Variants in HIRA observed in about 807,000 individuals in gnomAD.
The protein encoded by HIRA is histone cell cycle regulator.
HIRA carries 13 observed loss-of-function variants against 126.6 expected under a neutral mutation model. The ratio of observed to expected loss-of-function variants is 0.10; its 90% CI spans 0.07 to 0.16. HIRA has a LOEUF of 0.16. HIRA is among the 10% of genes least tolerant of loss of function. The probability of loss-of-function intolerance (pLI) is 1.00; values close to 1 mark genes in which losing one functional copy is unlikely to be tolerated. For missense variants in HIRA, 834 were observed against 1,314.4 expected, an observed-to-expected ratio of 0.63 and a Z score of 5.65; for synonymous variants, 511 against 520.0, an observed-to-expected ratio of 0.98 and a Z score of 0.24.
At chr22:19,387,406 A>T (rs2089136965) in intron 11 of HIRA, among the ~76,000 whole-genome samples, 2 of 152,212 alleles carry the variant, frequency 1.3e-5, no homozygotes, top group African/African-American at 4.8e-5. Context: ...GCCCCTGAGG[A>T]GTCACTTCAG....
intron 11 of HIRA, among the ~76,000 whole-genome samples, chr22:19,387,441 CAG>C (rs2089137384): frequency 6.6e-6 from 1 of 152,184 alleles, no homozygotes; most frequent in Non-Finnish European, 1.5e-5. Flanking sequence ...AAAAACCTCC[CAG>C]TGGATGGCCT....
At chr22:19,332,477 G>A (rs2088501473) in intron 24 of HIRA, among the ~76,000 whole-genome samples, 1 of 152,156 alleles carries the variant, frequency 6.6e-6, no homozygotes, top group Non-Finnish European at 1.5e-5. Context: ...TGCAAAGGCT[G>A]AAATGTTTAC....
At chr22:19,385,758 T>C (rs755669201) in intron 11 of HIRA, 22 bp from the exon 12 acceptor site, 1 of 1,604,686 alleles carries the variant, frequency 6.2e-7, no homozygotes, top group Non-Finnish European at 8.5e-7. Flanking sequence ...AGGAGAGGCA[T>C]GACATGCCAG....
chr22:19,371,964 C>T (rs1325958030), intron 15 of HIRA, among the ~76,000 whole-genome samples: 1 of 152,112 alleles, frequency 6.6e-6, no homozygotes, highest in Non-Finnish European at 1.5e-5. Flanking sequence ...GTTTTCAATT[C>T]TCCTGGGTAT....
chr22:19,331,348 T>C lies in HIRA; in HGVS notation c.*92A>G. ...ATCTCCTGCCAGTGTCTCCTCCCCCTACAGCCTGGTCAGGTGAGAGGCGGT... is the reference window on the plus strand; with the variant it reads ...ATCTCCTGCCAGTGTCTCCTCCCCCCACAGCCTGGTCAGGTGAGAGGCGGT... On this transcript the variant is annotated 3_prime_UTR_variant, in exon 25 of 25. Coordinates refer to ENST00000263208, the MANE Select transcript of HIRA (RefSeq NM_003325.4). The C allele has an allele frequency of 6.2e-7, 1 of 1,601,976 alleles. No homozygotes were observed. Among genetic ancestry groups the C allele is most frequent in the Non-Finnish European group, 8.5e-7 (1 of 1,178,438 alleles).
chr22:19,414,092 A>G (rs1040410918), intron 1 of HIRA, among the ~76,000 whole-genome samples: 10 of 152,136 alleles, frequency 6.6e-5, no homozygotes, highest in African/African-American at 2.4e-4. Context: ...AGACAAATTA[A>G]CACACCCTAG....
At chr22:19,391,605 C>T (rs199852707) in intron 9 of HIRA, among the ~76,000 whole-genome samples, 80 of 151,928 alleles carry the variant, frequency 5.3e-4, no homozygotes, top group East Asian at 3.1e-3. Context: ...CTCAGCCTCC[C>T]GAGTAGCTGG....
intron 24 of HIRA, among the ~76,000 whole-genome samples, chr22:19,346,102 C>G (rs187403967): frequency 6.6e-6 from 1 of 152,230 alleles, no homozygotes; most frequent in Non-Finnish European, 1.5e-5. Flanking sequence ...CCTAACAAGC[C>G]TTCTTGGGAG....
Position 19,353,489 on chromosome 22 carries a change from G to T in HIRA, c.2715C>A (p.Ser905=). Residue 905 remains serine, a synonymous_variant, in exon 23 of 25, where the codon TCC becomes TCA. Coordinates refer to ENST00000263208, the MANE Select transcript of HIRA (RefSeq NM_003325.4). ...NSGRQAARLF[S]VPHVVQQETT... ...TCTCTTGCTGCACCACATGAGGCAC[G>T]GAGAAGAGCCGGGCAGCCTGCCTTC... The T allele has an allele frequency of 6.2e-7, 1 of 1,611,788 alleles. No individual in the cohort carries two copies. The highest frequency in any genetic ancestry group is 8.5e-7 in the Non-Finnish European group (1 of 1,179,468).
At chr22:19,331,976 T>TG (rs1247154974) in intron 24 of HIRA, among the ~76,000 whole-genome samples, 1 of 152,122 alleles carries the variant, frequency 6.6e-6, no homozygotes. Flanking sequence ...AGGATGCACC[T>TG]GGGGGGCAGT....
chr22:19,363,090 C>T (rs1022076166), intron 15 of HIRA, among the ~76,000 whole-genome samples: 14 of 150,856 alleles, frequency 9.3e-5, no homozygotes, highest in Non-Finnish European at 5.9e-5. Context: ...AAAAATTAGC[C>T]GGGTGTGGTG....
At chr22:19,416,480 C>T (rs2089399855) in intron 1 of HIRA, among the ~76,000 whole-genome samples, 1 of 152,018 alleles carries the variant, frequency 6.6e-6, no homozygotes, top group Admixed American at 6.6e-5. Flanking sequence ...ACAACCACGC[C>T]TGGTGCGCAC....
intron 24 of HIRA, among the ~76,000 whole-genome samples, chr22:19,332,186 G>A (rs1378551634): frequency 6.6e-6 from 1 of 152,210 alleles, no homozygotes; most frequent in Non-Finnish European, 1.5e-5. Flanking sequence ...GAGCAGTACG[G>A]CTGCTCCAAA....
chr22:19,364,459 C>T (rs1416394119), intron 15 of HIRA, among the ~76,000 whole-genome samples: 2 of 152,134 alleles, frequency 1.3e-5, no homozygotes, highest in Non-Finnish European at 2.9e-5. Flanking sequence ...AGTCTATTGG[C>T]GCCATTTCCC....
intron 9 of HIRA, among the ~76,000 whole-genome samples, chr22:19,389,995 G>GAAAA (rs66853562): frequency 7.0e-6 from 1 of 142,390 alleles, no homozygotes. Context: ...TTTACAAAAT[G>GAAAA]AAAAAAAAAA....
At chr22:19,421,014 C>T (rs1425802175) in intron 1 of HIRA, among the ~76,000 whole-genome samples, 3 of 152,094 alleles carry the variant, frequency 2.0e-5, no homozygotes, top group African/African-American at 4.8e-5. Flanking sequence ...AAATGCACAG[C>T]AGGCTGGGCG....
intron 23 of HIRA, among the ~76,000 whole-genome samples, chr22:19,352,378 G>A (rs1373066634): frequency 6.6e-6 from 1 of 152,152 alleles, no homozygotes; most frequent in Non-Finnish European, 1.5e-5. Flanking sequence ...AGCACCACAG[G>A]AGAGGTATGA....
In HIRA at chr22:19,416,016, C is replaced by G. The variant is rs543171321; in HGVS notation, c.38-5238G>C. Reference sequence around the variant, plus strand: ...TACTACAAAGCTACAGTAATCAGAACAGTGAAGTACAGGCATAGACAGACA... The same window carrying G: ...TACTACAAAGCTACAGTAATCAGAAGAGTGAAGTACAGGCATAGACAGACA... On this transcript the variant is annotated intron_variant, in intron 1 of 24. Transcript: ENST00000263208. Among the ~76,000 whole-genome samples, 5 of 152,274 alleles carry G rather than the reference C, an allele frequency of 3.3e-5. No homozygotes were observed. In the South Asian group the frequency reaches 1.0e-3, roughly 32 times the overall value.
At chr22:19,394,154 G>A (rs763227550) in intron 8 of HIRA, among the ~76,000 whole-genome samples, 188 bp downstream of exon 8, 8 of 152,216 alleles carry the variant, frequency 5.3e-5, no homozygotes, top group Non-Finnish European at 7.3e-5. Context: ...GTGGAGCTAC[G>A]ATGTTCCTAA....
Sources: allele counts gnomAD v4.1 joint callset (sites outside exome capture counted in the v4.1 genomes callset), GRCh38; gene constraint gnomAD v4.1.1; transcripts MANE v1.5; gene names NCBI Gene and HGNC (gene_info 2026-07-23, HGNC 2026-07-21).